The following VWA8 variants were observed in gnomAD, a reference collection of about 807,000 sequenced individuals.
VWA8 encodes the protein von Willebrand factor A domain containing 8.
A neutral mutation model predicts 241.5 loss-of-function variants in VWA8; 221 were observed. The observed-to-expected ratio is 0.91, with a 90% CI of 0.82 to 1.02. VWA8 has a LOEUF of 1.02. Among genes scored for constraint, VWA8 ranks in the 50% least tolerant of loss-of-function variants. VWA8 has a pLI of 0.00. For synonymous variants in VWA8, 852 were observed against 827.1 expected (o/e 1.03, Z -0.52); for missense variants, 2,322 against 2,328.7 (o/e 1.00, Z 0.06).
intron 40 of VWA8, 94 bp downstream of exon 40, chr13:41,605,074 G>T: frequency 8.2e-7 from 1 of 1,221,020 alleles, no homozygotes; most frequent in Non-Finnish European, 1.2e-6. Flanking sequence ...TTTCGGACTG[G>T]CTAATTAGGG....
At chr13:41,843,167 T>C (rs943342032) in intron 12 of VWA8, among the ~76,000 whole-genome samples, 3 of 152,112 alleles carry the variant, frequency 2.0e-5, no homozygotes, top group Non-Finnish European at 2.9e-5. Context: ...ACTAAGTACA[T>C]TAAGAAGGAC....
At chr13:41,627,373 G>A (rs1239760287) in intron 37 of VWA8, among the ~76,000 whole-genome samples, 1 of 152,048 alleles carries the variant, frequency 6.6e-6, no homozygotes, top group Admixed American at 6.6e-5. Flanking sequence ...CCAATTCTTT[G>A]TTCAAGACAC....
chr13:41,811,459 G>T (rs917394900), intron 16 of VWA8, 119 bp from the exon 17 acceptor site: 2 of 565,210 alleles, frequency 3.5e-6, no homozygotes, highest in Non-Finnish European at 5.9e-6. Flanking sequence ...CTTAAAGTAT[G>T]TGCTGTTAAT....
At chr13:41,941,420 C>A (rs1242290558) in intron 2 of VWA8, among the ~76,000 whole-genome samples, 1 of 152,160 alleles carries the variant, frequency 6.6e-6, no homozygotes, top group Admixed American at 6.5e-5. Flanking sequence ...CTAAGTGAGA[C>A]TGAAAATGCC....
chr13:41,940,690 T>C (rs1877557760), intron 2 of VWA8, among the ~76,000 whole-genome samples: 1 of 152,242 alleles, frequency 6.6e-6, no homozygotes, highest in Non-Finnish European at 1.5e-5. Context: ...GCTAAAGATT[T>C]TAGTTGATGT....
chr13:41,833,424 G>A lies in VWA8; in HGVS notation c.1533C>T (p.Val511=). ...LVNAALEGKL[V]LLDGIHRVNA... ...TCACCCGGTGAATGCCATCCAGCAG[G>A]ACCAGCTTGCCTTCCAGAGCAGCAT... is the stretch of plus-strand genomic sequence containing the variant. The change falls in exon 13 of 45, where the codon GTC becomes GTT. Residue 511 remains valine, a synonymous_variant. Coordinates refer to ENST00000379310, the MANE Select transcript of VWA8 (RefSeq NM_015058.2). 6.2e-7 allele frequency: 1 copy of A among 1,613,968 alleles called. No homozygotes were observed. Among genetic ancestry groups the A allele is most frequent in the Non-Finnish European group, 8.5e-7 (1 of 1,179,966 alleles).
intron 12 of VWA8, among the ~76,000 whole-genome samples, chr13:41,846,194 C>G (rs970829940): frequency 2.0e-5 from 3 of 152,018 alleles, no homozygotes; most frequent in Non-Finnish European, 2.9e-5. Flanking sequence ...TGCCACTGTG[C>G]TCAGCTTATA....
intron 35 of VWA8, among the ~76,000 whole-genome samples, chr13:41,684,190 T>G (rs1334149407): frequency 1.3e-5 from 2 of 152,174 alleles, no homozygotes; most frequent in African/African-American, 4.8e-5. Context: ...TCCATGAGTT[T>G]CAGCTGGGAA....
chr13:41,793,178 T>C (rs2137950445), intron 17 of VWA8, among the ~76,000 whole-genome samples: 1 of 152,264 alleles, frequency 6.6e-6, no homozygotes, highest in South Asian at 2.1e-4. Flanking sequence ...TTTACTAAGT[T>C]ATATTTGTTT....
intron 37 of VWA8, among the ~76,000 whole-genome samples, chr13:41,666,602 T>C (rs2137794951): frequency 6.6e-6 from 1 of 152,172 alleles, no homozygotes; most frequent in Admixed American, 6.5e-5. Flanking sequence ...GGTGGGGGTG[T>C]TTGCAAAATG....
chr13:41,640,858 T>G (rs2044791019), intron 37 of VWA8, among the ~76,000 whole-genome samples: 1 of 152,188 alleles, frequency 6.6e-6, no homozygotes, highest in Non-Finnish European at 1.5e-5. Context: ...CGTAATAAAA[T>G]CTTAGAGGCT....
intron 32 of VWA8, among the ~76,000 whole-genome samples, chr13:41,690,996 G>A (rs1393648925): frequency 6.6e-6 from 1 of 152,094 alleles, no homozygotes; most frequent in Non-Finnish European, 1.5e-5. Flanking sequence ...CTCTTTGAAG[G>A]GAAAATCTAC....
At chr13:41,678,699 A>G (rs1301664305) in intron 35 of VWA8, among the ~76,000 whole-genome samples, 1 of 152,162 alleles carries the variant, frequency 6.6e-6, no homozygotes, top group African/African-American at 2.4e-5. Context: ...TTTTTCCCAT[A>G]TCTTTCTTTT....
chr13:41,571,478 G>C (rs1258853026), intron 43 of VWA8, among the ~76,000 whole-genome samples: 1 of 152,116 alleles, frequency 6.6e-6, no homozygotes, highest in Non-Finnish European at 1.5e-5. Flanking sequence ...CCTGCAGAGT[G>C]CCTGGGATTG....
chr13:41,739,819 G>GTTTT (rs199771503), intron 21 of VWA8, among the ~76,000 whole-genome samples: 1 of 74,954 alleles, frequency 1.3e-5, no homozygotes, highest in Non-Finnish European at 2.6e-5. Flanking sequence ...CAGTATCATT[G>GTTTT]TTTTTTTGTT....
chr13:41,779,283 ATTT>A (rs1868783696), intron 19 of VWA8, among the ~76,000 whole-genome samples: 1 of 149,322 alleles, frequency 6.7e-6, no homozygotes, highest in African/African-American at 2.4e-5. Context: ...ACTCACAGAA[ATTT>A]TTCTTTTTAC....
At chr13:41,753,493 C>G (rs570123000) in intron 21 of VWA8, among the ~76,000 whole-genome samples, 2 of 152,260 alleles carry the variant, frequency 1.3e-5, no homozygotes, top group Admixed American at 6.5e-5. Flanking sequence ...ATTCACTTCA[C>G]AAATGGGAGC....
At chr13:41,702,624 C>G (rs892894579) in intron 27 of VWA8, among the ~76,000 whole-genome samples, 1 of 152,154 alleles carries the variant, frequency 6.6e-6, no homozygotes, top group African/African-American at 2.4e-5. Context: ...CATTTGTTTA[C>G]GTACTGCCAT....
At chr13:41,795,180 C>T (rs550119587) in intron 17 of VWA8, among the ~76,000 whole-genome samples, 1 of 148,612 alleles carries the variant, frequency 6.7e-6, no homozygotes, top group South Asian at 2.1e-4. Context: ...TTTAGGCAGC[C>T]AACGAACATG....
Sources: allele counts gnomAD v4.1 joint callset (sites outside exome capture counted in the v4.1 genomes callset), GRCh38; gene constraint gnomAD v4.1.1; transcripts MANE v1.5; gene names NCBI Gene and HGNC (gene_info 2026-07-23, HGNC 2026-07-21).